The following ARNT2 variants were observed in gnomAD, a reference collection of about 807,000 sequenced individuals.
The protein encoded by ARNT2 is ARNT protein 2.
A neutral mutation model predicts 91.7 loss-of-function variants in ARNT2; 36 were observed. That is an observed-to-expected ratio of 0.39 (90% confidence interval 0.30 to 0.52). ARNT2 has a LOEUF of 0.52. ARNT2 is among the 20% of genes least tolerant of loss of function. The pLI is 0.72. For synonymous variants in ARNT2, 365 were observed against 347.1 expected (o/e 1.05, Z -0.57); for missense variants, 775 against 939.3 (o/e 0.83, Z 2.29).
intron 12 of ARNT2, among the ~76,000 whole-genome samples, chr15:80,566,486 G>T (rs1898485874): frequency 6.6e-6 from 1 of 151,972 alleles, no homozygotes; most frequent in African/African-American, 2.4e-5. Flanking sequence ...CATCCTCCTT[G>T]TTGGCTCCTT....
chr15:80,564,133 G>A (rs915643624), intron 12 of ARNT2, among the ~76,000 whole-genome samples: 5 of 152,192 alleles, frequency 3.3e-5, no homozygotes, highest in Admixed American at 6.5e-5. Context: ...GCTGGCATCC[G>A]GAGAACTGTC....
rs1047620850 is a variant in ARNT2 at position 80,593,872 on chromosome 15, G to A, written c.*174G>A. The A allele has an allele frequency of 2.3e-5, 14 of 608,104 alleles. No homozygotes were observed. Among genetic ancestry groups the A allele is most frequent in the Non-Finnish European group, 3.8e-5 (13 of 346,554 alleles). 37.7% of individuals were successfully genotyped at this position (608,104 alleles called of 1,614,324 possible). ...CATTGCTCCACTCTCCCCTGCAGCC[G>A]CGGCTGCTCGGCCACTGACCAGGGG... On this transcript the variant is annotated 3_prime_UTR_variant, in exon 19 of 19. Coordinates refer to ENST00000303329, the MANE Select transcript of ARNT2 (RefSeq NM_014862.4).
intron 12 of ARNT2, among the ~76,000 whole-genome samples, chr15:80,565,454 A>T (rs1898460546): frequency 2.0e-5 from 3 of 152,030 alleles, no homozygotes; most frequent in Non-Finnish European, 2.9e-5. Context: ...ACAGTGGCTG[A>T]ACTAATTTAC....
In ARNT2 at chr15:80,581,307, G is replaced by A. The variant is rs377099665; in HGVS notation, c.1821G>A (p.Pro607=). ...GGATTGGAACGAGCCACACCTACCC[G>A]GCAGACCCCTCTTCCTACAGCCCCC... The part of the protein sequence containing the change: ...PFGIGTSHTY[P]ADPSSYSPLS... The change falls in exon 17 of 19, where the codon CCG becomes CCA. Residue 607 remains proline (P), a synonymous_variant. Coordinates refer to ENST00000303329, the MANE Select transcript of ARNT2 (RefSeq NM_014862.4). 2.7e-5 allele frequency: 44 copies of A among 1,614,124 alleles called. No homozygotes were observed. In the Middle Eastern group the frequency reaches 8.2e-4, roughly 30 times the overall value.
chr15:80,448,027 T>C (rs939010866), intron 1 of ARNT2, among the ~76,000 whole-genome samples: 1 of 152,208 alleles, frequency 6.6e-6, no homozygotes, highest in African/African-American at 2.4e-5. Context: ...CAAGATTGCT[T>C]ACCATCAGCA....
chr15:80,565,246 A>G (rs570528713), intron 12 of ARNT2, among the ~76,000 whole-genome samples: 28 of 152,170 alleles, frequency 1.8e-4, no homozygotes, highest in East Asian at 1.4e-3. Flanking sequence ...TATTCAGCCC[A>G]CCGTTGATGG....
intron 5 of ARNT2, among the ~76,000 whole-genome samples, chr15:80,493,472 C>A (rs548103535): frequency 6.6e-6 from 1 of 152,246 alleles, no homozygotes; most frequent in South Asian, 2.1e-4. Flanking sequence ...AGGGCCATGC[C>A]CACTCCTTTA....
intron 17 of ARNT2, among the ~76,000 whole-genome samples, chr15:80,584,847 G>T (rs1898864908): frequency 6.6e-6 from 1 of 152,212 alleles, no homozygotes. Context: ...TCCTGCTTCT[G>T]GCTGGCTGGA....
In ARNT2 at chr15:80,530,562, C is replaced by T. The variant is rs186194897; in HGVS notation, c.877+16157C>T. The stretch of plus-strand genomic sequence containing the variant: ...TGAACCATATATTTCAAAGTTTTCT[C>T]GCCATTGCCATCCTTCCCTGGTTGC... On this transcript the variant is annotated intron_variant, in intron 8 of 18. Coordinates refer to ENST00000303329, the MANE Select transcript of ARNT2 (RefSeq NM_014862.4). 2.0e-5 allele frequency among the ~76,000 whole-genome samples: 3 copies of T among 152,126 alleles called. 1 individual carries two copies. Among genetic ancestry groups the T allele is most frequent in the African/African-American group, 4.8e-5 (2 of 41,418 alleles).
chr15:80,536,556 C>T (rs1159551892), intron 8 of ARNT2, among the ~76,000 whole-genome samples: 1 of 152,172 alleles, frequency 6.6e-6, no homozygotes, highest in African/African-American at 2.4e-5. Flanking sequence ...CTTCCAGCTT[C>T]CTTGTCTATG....
chr15:80,553,914 G>A (rs1898129289), intron 10 of ARNT2, among the ~76,000 whole-genome samples: 1 of 152,070 alleles, frequency 6.6e-6, no homozygotes, highest in Non-Finnish European at 1.5e-5. Flanking sequence ...TGAAATAAAG[G>A]GAGAAATTGA....
At chr15:80,542,055 A>G (rs1897916018) in intron 8 of ARNT2, among the ~76,000 whole-genome samples, 1 of 152,224 alleles carries the variant, frequency 6.6e-6, no homozygotes, top group South Asian at 2.1e-4. Context: ...AGCTGAGCCC[A>G]GTGTCCTGAG....
At chr15:80,547,481 G>A (rs535970581) in intron 8 of ARNT2, among the ~76,000 whole-genome samples, 2 of 152,300 alleles carry the variant, frequency 1.3e-5, no homozygotes, top group African/African-American at 4.8e-5. Context: ...GATTGTGTCA[G>A]GGGAAAGCAT....
chr15:80,550,413 G>A (rs1299935636), intron 8 of ARNT2, among the ~76,000 whole-genome samples: 1 of 152,136 alleles, frequency 6.6e-6, no homozygotes, highest in Admixed American at 6.5e-5. Flanking sequence ...GGAAATATTT[G>A]CGTTAAGTGT....
At chr15:80,553,917 G>T (rs965091295) in intron 10 of ARNT2, among the ~76,000 whole-genome samples, 1 of 152,112 alleles carries the variant, frequency 6.6e-6, no homozygotes, top group Non-Finnish European at 1.5e-5. Flanking sequence ...AATAAAGGGA[G>T]AAATTGATTT....
intron 1 of ARNT2, among the ~76,000 whole-genome samples, chr15:80,419,636 G>A (rs1895833921): frequency 6.6e-6 from 1 of 152,190 alleles, no homozygotes; most frequent in African/African-American, 2.4e-5. Flanking sequence ...GCATTGACAT[G>A]GCATGGTGCC....
At chr15:80,589,357 G>C (rs1468875087) in intron 17 of ARNT2, among the ~76,000 whole-genome samples, 1 of 152,084 alleles carries the variant, frequency 6.6e-6, no homozygotes, top group Non-Finnish European at 1.5e-5. Context: ...GTGGGGTGGG[G>C]GTGGCTGTAA....
chr15:80,516,324 T>C (rs1897434094), intron 8 of ARNT2, among the ~76,000 whole-genome samples: 1 of 152,198 alleles, frequency 6.6e-6, no homozygotes. Context: ...ATTTTCCTGT[T>C]TCTCCTTGTA....
chr15:80,555,425 T>C, intron 11 of ARNT2: 1 of 388,302 alleles, frequency 2.6e-6, no homozygotes, highest in Non-Finnish European at 4.7e-6. Context: ...AGGCAGGAAT[T>C]GTTCCAGGGG....
Sources: allele counts gnomAD v4.1 joint callset (sites outside exome capture counted in the v4.1 genomes callset), GRCh38; gene constraint gnomAD v4.1.1; transcripts MANE v1.5; gene names NCBI Gene and HGNC (gene_info 2026-07-23, HGNC 2026-07-21).